PHACTR4: variants seen among roughly 807,000 people sequenced by gnomAD.
PHACTR4 encodes phosphatase and actin regulator 4.
Under a neutral mutation model 72.7 loss-of-function variants are expected in PHACTR4, and 51 were observed. That is an observed-to-expected ratio of 0.70 (90% CI 0.56 to 0.89). The LOEUF is 0.89. Ranked by LOEUF, PHACTR4 falls within the 40% of genes least tolerant of loss-of-function variation. The pLI is 0.00. For missense variants in PHACTR4, 731 were observed against 861.8 expected (o/e 0.85, Z 1.90); for synonymous variants, 255 against 302.5 (o/e 0.84, Z 1.63).
intron 6 of PHACTR4, 174 bp downstream of exon 6, chr1:28,466,942 C>T (rs1363191578): frequency 2.2e-5 from 20 of 899,502 alleles, no homozygotes; most frequent in Non-Finnish European, 2.9e-5. Context: ...AGGCCAGGTG[C>T]GGTGGCTCAC....
At chr1:28,457,422 C>T (rs1004241368) in intron 2 of PHACTR4, 1 of 347,072 alleles carries the variant, frequency 2.9e-6, no homozygotes, top group African/African-American at 2.2e-5. Context: ...TTGGTGAGAC[C>T]CTATCTCTAC....
intron 8 of PHACTR4, among the ~76,000 whole-genome samples, chr1:28,478,105 G>T (rs1660038463): frequency 1.3e-5 from 2 of 152,004 alleles, no homozygotes. Flanking sequence ...TTACCTCCAT[G>T]AGATCAACTT....
intron 2 of PHACTR4, among the ~76,000 whole-genome samples, chr1:28,414,427 CAAAAAAAAAAAAAA>C (rs765271793): frequency 3.3e-5 from 2 of 61,232 alleles, no homozygotes; most frequent in South Asian, 1.4e-3. Flanking sequence ...TCCTCTGTCT[CAAAAAAAAAAAAAA>C]AAAAAAAAGC....
At chr1:28,449,776 C>T (rs553955603) in intron 2 of PHACTR4, among the ~76,000 whole-genome samples, 2 of 151,916 alleles carry the variant, frequency 1.3e-5, no homozygotes, top group East Asian at 3.9e-4. Flanking sequence ...CCCTTGAACC[C>T]AGGAGGCAGG....
intron 2 of PHACTR4, among the ~76,000 whole-genome samples, chr1:28,444,055 G>GTA (rs1434270529): frequency 6.6e-6 from 1 of 151,878 alleles, no homozygotes; most frequent in African/African-American, 2.4e-5. Flanking sequence ...CACCGACAGT[G>GTA]TATAGTGTTC....
At chr1:28,430,781 A>G (rs999488052) in intron 2 of PHACTR4, among the ~76,000 whole-genome samples, 24 of 152,160 alleles carry the variant, frequency 1.6e-4, no homozygotes, top group African/African-American at 5.6e-4. Context: ...AAAATAGTCA[A>G]TAGCTGATTT....
chr1:28,458,597 G>A (rs1658576939), intron 2 of PHACTR4, among the ~76,000 whole-genome samples: 1 of 152,108 alleles, frequency 6.6e-6, no homozygotes, highest in Non-Finnish European at 1.5e-5. Context: ...GTCCTTTTGT[G>A]AAGGGAGAAA....
intron 2 of PHACTR4, chr1:28,453,502 A>G (rs1327164130): frequency 9.7e-6 from 4 of 412,410 alleles, no homozygotes; most frequent in African/African-American, 4.1e-5. Flanking sequence ...TGCCATTTTT[A>G]TAAGTATATA....
chr1:28,458,340 G>T (rs993616937), intron 2 of PHACTR4, among the ~76,000 whole-genome samples: 1 of 151,970 alleles, frequency 6.6e-6, no homozygotes, highest in Non-Finnish European at 1.5e-5. Flanking sequence ...TAGAGACAGG[G>T]TTTCACCTTA....
intron 2 of PHACTR4, among the ~76,000 whole-genome samples, chr1:28,417,502 G>T (rs569986942): frequency 3.2e-4 from 48 of 152,290 alleles, no homozygotes; most frequent in Non-Finnish European, 6.5e-4. Flanking sequence ...GCTGCTAAGT[G>T]ATTAACAGGC....
At chr1:28,411,877 AAAAG>A (rs61242609) in intron 2 of PHACTR4, among the ~76,000 whole-genome samples, 3 of 150,866 alleles carry the variant, frequency 2.0e-5, no homozygotes, top group African/African-American at 2.4e-5. Context: ...ACGAATGAAC[AAAAG>A]AAAGAAAGAA....
intron 1 of PHACTR4, among the ~76,000 whole-genome samples, chr1:28,385,092 T>G (rs193156894): frequency 1.4e-4 from 22 of 152,262 alleles, no homozygotes; most frequent in African/African-American, 4.8e-4. Context: ...GTTGTTAAAT[T>G]GAGATCTTTG....
chr1:28,476,833 C>T (rs1434806416), intron 8 of PHACTR4, among the ~76,000 whole-genome samples: 2 of 134,564 alleles, frequency 1.5e-5, no homozygotes, highest in South Asian at 2.2e-4. Context: ...TGCAATGGTG[C>T]GATCTCGGCT....
chr1:28,444,770 C>T (rs1359660941), intron 2 of PHACTR4, among the ~76,000 whole-genome samples: 1 of 145,140 alleles, frequency 6.9e-6, no homozygotes, highest in South Asian at 2.1e-4. Context: ...CGCCTGCCAC[C>T]GCACCCAGCT....
At chr1:28,494,637 G>A (rs1661233898) in intron 13 of PHACTR4, among the ~76,000 whole-genome samples, 1 of 152,218 alleles carries the variant, frequency 6.6e-6, no homozygotes, top group Admixed American at 6.6e-5. Flanking sequence ...GGGCAACAGA[G>A]CAAGACTGTC....
chr1:28,469,024 A>G (rs567958362), intron 6 of PHACTR4, among the ~76,000 whole-genome samples: 5 of 152,352 alleles, frequency 3.3e-5, no homozygotes, highest in Non-Finnish European at 7.4e-5. Flanking sequence ...GTATTAGTCC[A>G]TGAGGGGTCC....
chr1:28,369,927 C>T (rs1193541065), intron 1 of PHACTR4, 102 bp downstream of exon 1: 2 of 380,658 alleles, frequency 5.3e-6, no homozygotes, highest in Non-Finnish European at 1.0e-5. Flanking sequence ...GAGAGGGTCC[C>T]GGTCCGGGCA....
At chr1:28,479,594 A>C (rs1660144639) in intron 8 of PHACTR4, among the ~76,000 whole-genome samples, 1 of 150,256 alleles carries the variant, frequency 6.7e-6, no homozygotes, top group Non-Finnish European at 1.5e-5. Context: ...GAAAAAAAAA[A>C]AAAAAAAGAG....
At chr1:28,465,589 T>G (rs763589569) in intron 4 of PHACTR4, 96 bp from the exon 5 acceptor site, 13 of 1,312,652 alleles carry the variant, frequency 9.9e-6, no homozygotes, top group Non-Finnish European at 1.4e-5. Context: ...TGTCTCAATT[T>G]AAAAAAGAGA....
Sources: allele counts gnomAD v4.1 joint callset (sites outside exome capture counted in the v4.1 genomes callset), GRCh38; gene constraint gnomAD v4.1.1; transcripts MANE v1.5; gene names NCBI Gene and HGNC (gene_info 2026-07-23, HGNC 2026-07-21).